The following AOPEP variants were observed in gnomAD, a reference collection of about 807,000 sequenced individuals.
AOPEP encodes aminopeptidase O (putative), also known as aminopeptidase O.
A neutral mutation model predicts 98.1 loss-of-function variants in AOPEP; 77 were observed. The ratio of observed to expected loss-of-function variants is 0.78; its 90% CI spans 0.65 to 0.95. AOPEP has a LOEUF of 0.95. Ranked by LOEUF, AOPEP falls within the 40% of genes least tolerant of loss-of-function variation. AOPEP has a pLI of 0.00. For missense variants in AOPEP, 1,024 were observed against 1,024.7 expected (o/e 1.00, Z 0.01); for synonymous variants, 346 against 365.3 (o/e 0.95, Z 0.60).
intron 1 of AOPEP, among the ~76,000 whole-genome samples, chr9:94,747,292 G>A (rs1028231193): frequency 2.0e-5 from 3 of 151,950 alleles, no homozygotes; most frequent in Non-Finnish European, 4.4e-5. Flanking sequence ...TATAGTTAAG[G>A]GAATAAAGCA....
At chr9:95,135,641 G>C in the AOPEP span, 1 of 697,816 alleles carries the variant, frequency 1.4e-6, no homozygotes, top group Non-Finnish European at 2.5e-6. Flanking sequence ...ATAATTTATA[G>C]AATCAGTGAA....
intron 13 of AOPEP, among the ~76,000 whole-genome samples, chr9:95,041,121 C>G (rs573772952): frequency 1.9e-4 from 29 of 151,612 alleles, no homozygotes; most frequent in African/African-American, 6.0e-4. Flanking sequence ...CAGGCTCTCA[C>G]GTTTTACCAG....
intron 5 of AOPEP, chr9:94,824,584 G>C (rs1489972684): frequency 6.6e-6 from 1 of 152,190 alleles, no homozygotes; most frequent in African/African-American, 2.4e-5. Flanking sequence ...TGTATATCAT[G>C]GGAGTGTGTT....
rs117974075 is a variant in AOPEP, at chr9:95,039,150, A to G, written c.2116-21544A>G. On this transcript the variant is annotated intron_variant, in intron 13 of 16. Coordinates refer to ENST00000375315, the MANE Select transcript of AOPEP (RefSeq NM_001193329.3). ...TGAATAGCATAATGGTGGAGTTAACATGGGATCGGCCCATGCTGTTGGAGT... is the reference window on the plus strand; with the variant it reads ...TGAATAGCATAATGGTGGAGTTAACGTGGGATCGGCCCATGCTGTTGGAGT... 1.3e-3 allele frequency among the ~76,000 whole-genome samples: 193 copies of G among 152,302 alleles called. 1 individual carries two copies. In the East Asian group the frequency reaches 0.031, roughly 24 times the overall value.
intron 7 of AOPEP, among the ~76,000 whole-genome samples, chr9:94,947,808 C>G (rs567114800): frequency 1.3e-5 from 2 of 152,330 alleles, no homozygotes; most frequent in Admixed American, 6.5e-5. Context: ...CTTATCTGCA[C>G]AGCGAGTAAG....
chr9:95,078,473 C>T (rs950341353), intron 14 of AOPEP, among the ~76,000 whole-genome samples: 3 of 152,210 alleles, frequency 2.0e-5, no homozygotes, highest in African/African-American at 7.2e-5. Flanking sequence ...ATCAGACAAG[C>T]GTTGGTTGTT....
Position 95,005,240 on chromosome 9 carries a change from T to G in AOPEP, c.2040+20T>G, listed in dbSNP as rs758548897. On this transcript the variant is annotated intron_variant, in intron 12 of 16. Transcript: ENST00000375315. ...GCCGAGGTGAGTGCGGGCGGCGCGGTCCCTGCGCCCCGGTGGCGCCGGCGC... is the reference window on the plus strand; with the variant it reads ...GCCGAGGTGAGTGCGGGCGGCGCGGGCCCTGCGCCCCGGTGGCGCCGGCGC... 5 of 1,080,256 alleles carry G rather than the reference T, an allele frequency of 4.6e-6. No individual in the cohort carries two copies. In the South Asian group the frequency reaches 1.3e-4, roughly 28 times the overall value. The allele number at this position is 1,080,256 out of a possible 1,614,324, so 66.9% of individuals were successfully genotyped here.
At chr9:94,747,914 G>A (rs190497836) in intron 1 of AOPEP, among the ~76,000 whole-genome samples, 2 of 152,274 alleles carry the variant, frequency 1.3e-5, no homozygotes, top group South Asian at 2.1e-4. Context: ...GGGATGGTTA[G>A]TGTTTTAGAA....
At chr9:94,913,704 T>G (rs535461913) in intron 5 of AOPEP, among the ~76,000 whole-genome samples, 1 of 152,338 alleles carries the variant, frequency 6.6e-6, no homozygotes, top group South Asian at 2.1e-4. Context: ...ACAAAGGTGG[T>G]GACATATATT....
intron 5 of AOPEP, among the ~76,000 whole-genome samples, chr9:94,833,648 T>G (rs1183505968): frequency 2.0e-5 from 3 of 152,166 alleles, no homozygotes; most frequent in Non-Finnish European, 2.9e-5. Context: ...ATTTGAGCAT[T>G]AATAAGATAA....
chr9:94,875,274 G>A (rs1426914106), intron 5 of AOPEP, among the ~76,000 whole-genome samples: 2 of 137,284 alleles, frequency 1.5e-5, no homozygotes, highest in Non-Finnish European at 3.1e-5. Flanking sequence ...AGAATGGTAT[G>A]AAAGTACTGT....
intron 10 of AOPEP, among the ~76,000 whole-genome samples, chr9:94,978,196 C>A (rs1170032301): frequency 6.6e-6 from 1 of 152,094 alleles, no homozygotes; most frequent in African/African-American, 2.4e-5. Context: ...CTTTTCATAA[C>A]TTCTAGAATT....
intron 5 of AOPEP, among the ~76,000 whole-genome samples, chr9:94,829,185 T>C (rs1855365365): frequency 6.6e-6 from 1 of 151,868 alleles, no homozygotes; most frequent in Non-Finnish European, 1.5e-5. Context: ...TTTCAAGATA[T>C]AAACCAGTTT....
intron 1 of AOPEP, among the ~76,000 whole-genome samples, chr9:94,741,302 T>A (rs1833015651): frequency 6.6e-6 from 1 of 152,120 alleles, no homozygotes; most frequent in Non-Finnish European, 1.5e-5. Context: ...AGATGGAGTC[T>A]TGCTCTGTCG....
At position 94,779,035 on chromosome 9, in the gene AOPEP, A is replaced by G. The variant is rs368377141; in HGVS notation, c.964+5867A>G. On this transcript the variant is annotated intron_variant, in intron 3 of 16. Coordinates refer to ENST00000375315, the MANE Select transcript of AOPEP (RefSeq NM_001193329.3). Reference sequence around the variant, plus strand: ...CAGAATGATACTGTCTAAAAAAAAAAAAAAGTACACATTTATTGTATATGT... The same window carrying G: ...CAGAATGATACTGTCTAAAAAAAAAGAAAAGTACACATTTATTGTATATGT... Among the ~76,000 whole-genome samples, 53 of 152,258 alleles carry G rather than the reference A, an allele frequency of 3.5e-4. 2 individuals carry two copies. The East Asian group carries it at 7.5e-3, about 22-fold the overall frequency.
intron 7 of AOPEP, among the ~76,000 whole-genome samples, chr9:94,948,131 G>A (rs1420804793): frequency 6.6e-6 from 1 of 152,040 alleles, no homozygotes; most frequent in African/African-American, 2.4e-5. Flanking sequence ...TGCTGTTCTT[G>A]ACTGTGGATG....
At chr9:94,730,460 C>T (rs1241719593) in intron 1 of AOPEP, among the ~76,000 whole-genome samples, 1 of 152,142 alleles carries the variant, frequency 6.6e-6, no homozygotes, top group Non-Finnish European at 1.5e-5. Flanking sequence ...GGCGTAGTGA[C>T]CATTGTTCAG....
chr9:94,987,373 G>A (rs1317590594), intron 11 of AOPEP, among the ~76,000 whole-genome samples: 2 of 152,224 alleles, frequency 1.3e-5, no homozygotes, highest in African/African-American at 4.8e-5. Context: ...AGGCCCTTAC[G>A]GGCAGGGAGT....
intron 5 of AOPEP, among the ~76,000 whole-genome samples, chr9:94,854,414 C>T (rs1365716168): frequency 6.6e-6 from 1 of 152,132 alleles, no homozygotes; most frequent in Non-Finnish European, 1.5e-5. Flanking sequence ...GTGGCTTTCT[C>T]AAATGATGTG....
Sources: allele counts gnomAD v4.1 joint callset (sites outside exome capture counted in the v4.1 genomes callset), GRCh38; gene constraint gnomAD v4.1.1; transcripts MANE v1.5; gene names NCBI Gene and HGNC (gene_info 2026-07-23, HGNC 2026-07-21).